The following C17orf67 variants were observed in gnomAD, a reference collection of about 807,000 sequenced individuals.
The protein encoded by C17orf67 is uncharacterized protein C17orf67.
C17orf67 carries 12 observed loss-of-function variants against 11.2 expected under a neutral mutation model. The observed-to-expected ratio is 1.07, with a 90% CI of 0.68 to 1.73. The LOEUF (loss-of-function observed/expected upper bound fraction) is 1.73, where lower values mean the gene tolerates loss of function less well. Ranked by LOEUF, C17orf67 falls within the 40% of genes most tolerant of loss-of-function variation. The probability of loss-of-function intolerance (pLI) is 0.00; values close to 1 mark genes in which losing one functional copy is unlikely to be tolerated. For synonymous variants in C17orf67, 59 were observed against 46.9 expected (o/e 1.26, Z -1.05); for missense variants, 115 against 113.5 (o/e 1.01, Z -0.06).
In C17orf67 at chr17:56,802,160, C is replaced by T. The variant is rs142670700; in HGVS notation, c.157-6980G>A. On this transcript the variant is annotated intron_variant, in intron 6 of 7. Coordinates refer to ENST00000397861, the MANE Select transcript of C17orf67 (RefSeq NM_001085430.4). Reference sequence around the variant, plus strand: ...TCCAGATCCTGTCTGTCTCCCTTTTCGCCTGGCCGTGGGACCCAGATTAAT... The same window carrying T: ...TCCAGATCCTGTCTGTCTCCCTTTTTGCCTGGCCGTGGGACCCAGATTAAT... Among the ~76,000 whole-genome samples, 71 of 152,268 alleles carry T rather than the reference C, an allele frequency of 4.7e-4. 1 individual carries two copies. In the East Asian group the frequency reaches 8.7e-3, roughly 19 times the overall value.
chr17:56,817,428 A>T (rs1905786849), intron 4 of C17orf67, among the ~76,000 whole-genome samples: 1 of 152,138 alleles, frequency 6.6e-6, no homozygotes, highest in Non-Finnish European at 1.5e-5. Context: ...GTTGTCTCAC[A>T]TGTTCATTTG....
At chr17:56,813,241 C>T (rs1905674909) in intron 6 of C17orf67, among the ~76,000 whole-genome samples, 1 of 151,686 alleles carries the variant, frequency 6.6e-6, no homozygotes, top group Admixed American at 6.6e-5. Context: ...CCAACAGGAT[C>T]CCTCCCTCCA....
Position 56,830,187 on chromosome 17 carries a change from C to CAA in C17orf67, c.-557+2709_-557+2710dup, listed in dbSNP as rs544031283. Among the ~76,000 whole-genome samples the CAA allele has an allele frequency of 4.7e-3, 712 of 150,378 alleles. 2 individuals carry two copies. The highest frequency in any genetic ancestry group is 0.016 in the African/African-American group (676 of 40,974). ...TGAAATCCCGTCTCCACTAAAAACA[C>CAA]AAAAAAAATTAGCCGGGCGTGGTGG... On this transcript the variant is annotated intron_variant, in intron 2 of 7. Transcript: ENST00000397861.
Position 56,833,240 on chromosome 17 carries a change from G to A in C17orf67, c.-899C>T, listed in dbSNP as rs1448512198. On this transcript the variant is annotated 5_prime_UTR_variant, in exon 2 of 8. Coordinates refer to ENST00000397861, the MANE Select transcript of C17orf67 (RefSeq NM_001085430.4). ...GTGCTTCCGCGTCCGCGTTCTCCGG[G>A]TAGCTGATGTGCTGCAGGCTGCAGC... 1.3e-5 allele frequency: 2 copies of A among 153,902 alleles called. No individual in the cohort carries two copies. The highest frequency in any genetic ancestry group is 2.4e-5 in the African/African-American group (1 of 41,484). The allele number at this position is 153,902 out of a possible 1,614,324, so 9.5% of individuals were successfully genotyped here. A position where few individuals can be genotyped will look rare whatever the true frequency, so the allele number is the denominator to read the frequency against.
rs778380430 is a variant in C17orf67 at position 56,815,812 on chromosome 17, C to A, written c.-2G>T. 1 of 1,613,782 alleles carries A rather than the reference C, an allele frequency of 6.2e-7. No homozygotes were observed. Among genetic ancestry groups the A allele is most frequent in the Non-Finnish European group, 8.5e-7 (1 of 1,179,878 alleles). On this transcript the variant is annotated 5_prime_UTR_variant, in exon 5 of 8. It adds an upstream start codon to the 5' untranslated region. Coordinates refer to ENST00000397861, the MANE Select transcript of C17orf67 (RefSeq NM_001085430.4). ...CACGAGCACAGGCAATGTCTTCATC[C>A]TGCCTTGGTTCCTCTGCCTCTTGCT...
intron 6 of C17orf67, among the ~76,000 whole-genome samples, chr17:56,806,907 G>A (rs561062411): frequency 5.3e-5 from 8 of 152,360 alleles, no homozygotes; most frequent in Admixed American, 2.6e-4. Context: ...GTCAGGTTCT[G>A]GATTTGGAGG....
At chr17:56,803,564 A>C (rs552174101) in intron 6 of C17orf67, among the ~76,000 whole-genome samples, 2 of 152,352 alleles carry the variant, frequency 1.3e-5, no homozygotes, top group Admixed American at 1.3e-4. Context: ...TGCTTGGCAC[A>C]CAGTAGGACC....
intron 6 of C17orf67, among the ~76,000 whole-genome samples, chr17:56,812,177 G>C (rs1030515714): frequency 1.3e-5 from 2 of 152,214 alleles, no homozygotes; most frequent in African/African-American, 2.4e-5. Flanking sequence ...GACAGAGAGA[G>C]ACACACACAG....
intron 6 of C17orf67, among the ~76,000 whole-genome samples, chr17:56,796,187 G>C (rs1350044912): frequency 6.6e-6 from 1 of 152,184 alleles, no homozygotes; most frequent in Admixed American, 6.5e-5. Context: ...AACTGTACTT[G>C]TAGGTATATA....
intron 6 of C17orf67, among the ~76,000 whole-genome samples, chr17:56,805,810 T>C (rs1185688667): frequency 6.6e-6 from 1 of 151,958 alleles, no homozygotes; most frequent in Non-Finnish European, 1.5e-5. Context: ...TGGTTACAAA[T>C]AGATTATAAT....
At chr17:56,797,581 G>C (rs1403206192) in intron 6 of C17orf67, among the ~76,000 whole-genome samples, 1 of 152,166 alleles carries the variant, frequency 6.6e-6, no homozygotes, top group Non-Finnish European at 1.5e-5. Context: ...TCCATACCAG[G>C]ATGATGAGGA....
At chr17:56,812,624 C>A (rs1905659227) in intron 6 of C17orf67, among the ~76,000 whole-genome samples, 1 of 151,908 alleles carries the variant, frequency 6.6e-6, no homozygotes, top group Non-Finnish European at 1.5e-5. Flanking sequence ...GGTTCTGAGG[C>A]AAGAAGGAGT....
chr17:56,811,670 A>G (rs1959861611), intron 6 of C17orf67, among the ~76,000 whole-genome samples: 1 of 152,194 alleles, frequency 6.6e-6, no homozygotes, highest in Non-Finnish European at 1.5e-5. Flanking sequence ...GTAAGGAAGA[A>G]TGTCTGGTTT....
intron 7 of C17orf67, among the ~76,000 whole-genome samples, chr17:56,793,998 C>G (rs1466818426): frequency 6.6e-6 from 1 of 152,190 alleles, no homozygotes; most frequent in South Asian, 2.1e-4. Flanking sequence ...CATGCCCACA[C>G]ACACACAGGA....
At chr17:56,812,681 G>A (rs917880981) in intron 6 of C17orf67, among the ~76,000 whole-genome samples, 10 of 151,982 alleles carry the variant, frequency 6.6e-5, no homozygotes, top group Admixed American at 2.6e-4. Flanking sequence ...AGAGGAGCAG[G>A]TGGTGGTCAA....
chr17:56,814,562 A>G (rs1905709045), intron 6 of C17orf67, among the ~76,000 whole-genome samples: 1 of 152,162 alleles, frequency 6.6e-6, no homozygotes, highest in South Asian at 2.1e-4. Context: ...AGCGTTGGCT[A>G]AAGGGAACAG....
intron 4 of C17orf67, among the ~76,000 whole-genome samples, chr17:56,820,767 CTTTTTTTTTTTT>C (rs746734939): frequency 6.5e-5 from 8 of 122,504 alleles, no homozygotes; most frequent in Middle Eastern, 4.5e-3. Flanking sequence ...GTGAGTTTCC[CTTTTTTTTTTTT>C]TTTTTTTTTT....
rs556503541 is a variant in C17orf67 at position 56,808,440 on chromosome 17, C to T, written c.156+6429G>A. ...CTTCATACGCTACCTCCATATGCTGCCTCCATACACTCAAAATCCCTCCTT... is the reference window on the plus strand; with the variant it reads ...CTTCATACGCTACCTCCATATGCTGTCTCCATACACTCAAAATCCCTCCTT... On this transcript the variant is annotated intron_variant, in intron 6 of 7. Transcript: ENST00000397861. Among the ~76,000 whole-genome samples the T allele has an allele frequency of 1.2e-4, 18 of 152,264 alleles. No individual in the cohort carries two copies. The South Asian group carries it at 3.7e-3, about 32-fold the overall frequency.
chr17:56,824,054 G>A (rs1905968047), intron 4 of C17orf67, among the ~76,000 whole-genome samples: 1 of 152,196 alleles, frequency 6.6e-6, no homozygotes, highest in African/African-American at 2.4e-5. Flanking sequence ...AACTCATGTT[G>A]AAATTTTATT....
Sources: gnomAD v4.1 joint callset for allele counts (sites outside exome capture counted in the v4.1 genomes callset) on GRCh38, gnomAD v4.1.1 for gene constraint, MANE v1.5 for transcripts, NCBI Gene and HGNC (gene_info 2026-07-23, HGNC 2026-07-21) for gene names.